The following CTCF variants were observed in gnomAD, a reference collection of about 807,000 sequenced individuals.
CTCF encodes CCCTC-binding factor.
Under a neutral mutation model 72.3 loss-of-function variants are expected in CTCF, and 7 were observed. The ratio of observed to expected loss-of-function variants is 0.10; its 90% confidence interval spans 0.06 to 0.18. The LOEUF (loss-of-function observed/expected upper bound fraction) is 0.18, where lower values mean the gene tolerates loss of function less well. Ranked by LOEUF, CTCF falls within the 10% of genes least tolerant of loss-of-function variation. The pLI, the probability that CTCF is intolerant of heterozygous loss-of-function variation, is 1.00. For synonymous variants in CTCF, 374 were observed against 315.8 expected (o/e 1.18, Z -1.95); for missense variants, 516 against 949.1 (o/e 0.54, Z 6.00).
At chr16:67,626,745 C>T (rs757797134) in intron 8 of CTCF, 30 bp downstream of exon 8, 2 of 1,374,376 alleles carry the variant, frequency 1.5e-6, no homozygotes, top group South Asian at 2.0e-5. Flanking sequence ...GTTGTTGGTG[C>T]TTTCTCGGTG....
At chr16:67,635,672 A>G (rs541556839) in intron 10 of CTCF, 2 of 151,494 alleles carry the variant, frequency 1.3e-5, no homozygotes, top group Non-Finnish European at 2.9e-5. Context: ...TATTTTTAGT[A>G]GAGTCAGGGT....
At position 67,580,822 on chromosome 16, in the gene CTCF, G is replaced by A. The variant is rs1475751509; in HGVS notation, c.-10+9558G>A. ...GTAGAGACAGGGATTCACCATGTTG[G>A]CCAGGCTGGTCTAGAACTCCTGACC... is the stretch of plus-strand genomic sequence containing the variant. On this transcript the variant is annotated intron_variant, in intron 2 of 11. Coordinates refer to ENST00000264010, the MANE Select transcript of CTCF (RefSeq NM_006565.4). Among the ~76,000 whole-genome samples, 3 of 148,168 alleles carry A rather than the reference G, an allele frequency of 2.0e-5. No individual in the cohort carries two copies. The South Asian group carries it at 6.4e-4, about 31-fold the overall frequency.
At chr16:67,597,036 T>G (rs2051824264) in intron 2 of CTCF, among the ~76,000 whole-genome samples, 1 of 152,132 alleles carries the variant, frequency 6.6e-6, no homozygotes, top group Non-Finnish European at 1.5e-5. Flanking sequence ...TGTTTTTGTT[T>G]GTTTTGTTTC....
At chr16:67,580,468 G>T (rs533194577) in intron 2 of CTCF, among the ~76,000 whole-genome samples, 2 of 152,012 alleles carry the variant, frequency 1.3e-5, no homozygotes, top group Non-Finnish European at 2.9e-5. Flanking sequence ...GCCATCCAAG[G>T]TGTTGGGATT....
intron 5 of CTCF, among the ~76,000 whole-genome samples, chr16:67,617,912 C>T (rs922309397): frequency 7.9e-5 from 12 of 152,040 alleles, no homozygotes; most frequent in Admixed American, 5.2e-4. Context: ...TTTAGTAATA[C>T]GTTCTAAAAA....
At position 67,563,417 on chromosome 16, in the gene CTCF, C is replaced by G. The variant is rs1000289256; in HGVS notation, c.-127+693C>G. Reference sequence around the variant, plus strand: ...CAGGCGGCGCTGCAGCGGCTGCGAGCAGAGGGACCCCAGAGCTGCCGAGAG... The same window carrying G: ...CAGGCGGCGCTGCAGCGGCTGCGAGGAGAGGGACCCCAGAGCTGCCGAGAG... On this transcript the variant is annotated intron_variant, in intron 1 of 11. Coordinates refer to ENST00000264010, the MANE Select transcript of CTCF (RefSeq NM_006565.4). The G allele has an allele frequency of 2.0e-5, 3 of 152,340 alleles. No homozygotes were observed. In the East Asian group the frequency reaches 5.8e-4, roughly 29 times the overall value. 9.4% of individuals were successfully genotyped at this position (152,340 alleles called of 1,614,324 possible).
At chr16:67,573,012 G>T (rs1365761706) in intron 2 of CTCF, among the ~76,000 whole-genome samples, 2 of 138,424 alleles carry the variant, frequency 1.4e-5, no homozygotes, top group East Asian at 4.4e-4. Flanking sequence ...CAGAACTTTG[G>T]GAGGCTGAGG....
intron 2 of CTCF, among the ~76,000 whole-genome samples, chr16:67,580,772 A>AT (rs781616750): frequency 0.043 from 5,218 of 120,146 alleles, 251 homozygotes; most frequent in African/African-American, 0.11. Flanking sequence ...GCCTGGCCAA[A>AT]TTTTTTTTTT....
chr16:67,634,799 G>A (rs2052408768), intron 10 of CTCF, among the ~76,000 whole-genome samples: 1 of 151,322 alleles, frequency 6.6e-6, no homozygotes, highest in Non-Finnish European at 1.5e-5. Context: ...CACCTCTCGG[G>A]TTCAAGCAAT....
At chr16:67,625,171 A>G (rs2052266620) in intron 7 of CTCF, among the ~76,000 whole-genome samples, 1 of 151,852 alleles carries the variant, frequency 6.6e-6, no homozygotes, top group South Asian at 2.1e-4. Context: ...CAGGTGATCC[A>G]CCCACCTTTG....
At chr16:67,630,541 G>A (rs1421638177) in intron 10 of CTCF, among the ~76,000 whole-genome samples, 1 of 152,104 alleles carries the variant, frequency 6.6e-6, no homozygotes, top group Admixed American at 6.6e-5. Flanking sequence ...GATCACTTGA[G>A]GTCAGGAGTT....
At chr16:67,593,384 T>C (rs771937583) in intron 2 of CTCF, among the ~76,000 whole-genome samples, 2 of 152,134 alleles carry the variant, frequency 1.3e-5, no homozygotes, top group African/African-American at 4.8e-5. Context: ...CCTATTGTTA[T>C]GTTTATGTCC....
chr16:67,631,723 CG>C (rs1413687390), intron 10 of CTCF, among the ~76,000 whole-genome samples: 10 of 115,062 alleles, frequency 8.7e-5, no homozygotes, highest in Non-Finnish European at 1.6e-4. Flanking sequence ...ATGGAGTATC[CG>C]TTTTAAGTAG....
intron 1 of CTCF, among the ~76,000 whole-genome samples, chr16:67,567,646 A>C (rs1053237906): frequency 6.6e-6 from 1 of 152,038 alleles, no homozygotes; most frequent in African/African-American, 2.4e-5. Flanking sequence ...ATAGGAGTGC[A>C]GTGGCATGAT....
intron 2 of CTCF, among the ~76,000 whole-genome samples, chr16:67,577,188 G>C (rs956784286): frequency 6.6e-6 from 1 of 151,724 alleles, no homozygotes; most frequent in Non-Finnish European, 1.5e-5. Context: ...GGAGGCCGAG[G>C]TGGGCGGATC....
chr16:67,573,148 A>T (rs924747405), intron 2 of CTCF, among the ~76,000 whole-genome samples: 1 of 151,690 alleles, frequency 6.6e-6, no homozygotes, highest in African/African-American at 2.4e-5. Context: ...GTTTCTCGGG[A>T]GGCTGAGGCA....
chr16:67,598,600 A>G (rs1205080998), intron 2 of CTCF, among the ~76,000 whole-genome samples: 1 of 152,252 alleles, frequency 6.6e-6, no homozygotes, highest in African/African-American at 2.4e-5. Flanking sequence ...AGGTTTCACA[A>G]TGAAAGAAAA....
intron 1 of CTCF, chr16:67,570,591 G>C (rs2142712848): frequency 6.6e-6 from 1 of 151,756 alleles, no homozygotes; most frequent in South Asian, 2.1e-4. Context: ...ACAGGCGCCT[G>C]CCACCACACC....
chr16:67,596,341 G>A (rs150300554), intron 2 of CTCF, among the ~76,000 whole-genome samples: 58 of 152,256 alleles, frequency 3.8e-4, no homozygotes, highest in Middle Eastern at 3.4e-3. Context: ...TACTATTAAT[G>A]AGGTTTGGTT....
Sources: allele counts gnomAD v4.1 joint callset (sites outside exome capture counted in the v4.1 genomes callset), GRCh38; gene constraint gnomAD v4.1.1; transcripts MANE v1.5; gene names NCBI Gene and HGNC (gene_info 2026-07-23, HGNC 2026-07-21).